Variants in ZMYM2 observed in about 807,000 individuals in gnomAD.
ZMYM2 encodes zinc finger MYM-type containing 2.
A neutral mutation model predicts 162.8 loss-of-function variants in ZMYM2; 56 were observed. That is an observed-to-expected ratio of 0.34 (90% CI 0.28 to 0.43). The LOEUF (loss-of-function observed/expected upper bound fraction) is 0.43, where lower values mean the gene tolerates loss of function less well. Among genes scored for constraint, ZMYM2 ranks in the 20% least tolerant of loss-of-function variants. The probability of loss-of-function intolerance (pLI) is 1.00; values close to 1 mark genes in which losing one functional copy is unlikely to be tolerated. For missense variants in ZMYM2, 1,275 were observed against 1,621.8 expected, an observed-to-expected ratio of 0.79 and a Z score of 3.67; for synonymous variants, 510 against 541.6, an observed-to-expected ratio of 0.94 and a Z score of 0.81.
chr13:20,007,789 T>A (rs1950866071), intron 6 of ZMYM2, among the ~76,000 whole-genome samples: 1 of 151,616 alleles, frequency 6.6e-6, no homozygotes, highest in African/African-American at 2.4e-5. Context: ...CTGAGCTAAT[T>A]TTTGTGTTTT....
chr13:20,038,385 C>T (rs1953930081), intron 12 of ZMYM2, among the ~76,000 whole-genome samples: 1 of 152,120 alleles, frequency 6.6e-6, no homozygotes, highest in Non-Finnish European at 1.5e-5. Context: ...CCTAGGTTGG[C>T]TTCAGGGGTT....
At position 20,064,549 on chromosome 13, in the gene ZMYM2, C is replaced by T. The variant is rs770806677; in HGVS notation, c.3132+4C>T. 3.2e-6 allele frequency: 5 copies of T among 1,567,328 alleles called. No homozygotes were observed. The highest frequency in any genetic ancestry group is 1.9e-4 in the Middle Eastern group (1 of 5,192). ...CAGACCTCGATCTAAAAAAAAGGTA[C>T]ATTCACTTAATAGCCTATATAACAA... On this transcript the variant is annotated splice_donor_region_variant and intron_variant, in intron 19 of 24. Transcript: ENST00000610343.
chr13:19,995,834 A>G (rs1171396818), intron 3 of ZMYM2, among the ~76,000 whole-genome samples: 3 of 152,168 alleles, frequency 2.0e-5, no homozygotes, highest in Non-Finnish European at 4.4e-5. Context: ...TACTGAAAAT[A>G]TGAAAAGTTA....
chr13:20,005,899 A>G (rs1950703856), intron 5 of ZMYM2, among the ~76,000 whole-genome samples: 2 of 152,094 alleles, frequency 1.3e-5, no homozygotes, highest in Non-Finnish European at 2.9e-5. Flanking sequence ...TCAGTGCCAT[A>G]CATGTGTTCC....
At chr13:19,880,774 T>G in the ZMYM2 span, among the ~76,000 whole-genome samples, 1 of 152,224 alleles carries the variant, frequency 6.6e-6, no homozygotes. Flanking sequence ...TCACTGTTAG[T>G]GTGTAGAAAT....
intron 18 of ZMYM2, among the ~76,000 whole-genome samples, chr13:20,064,172 G>A (rs544466027): frequency 6.6e-6 from 1 of 151,872 alleles, no homozygotes; most frequent in South Asian, 2.1e-4. Flanking sequence ...TTTAGATCTT[G>A]TAATTGGATT....
At chr13:19,940,379 T>C in the ZMYM2 span, among the ~76,000 whole-genome samples, 2 of 152,200 alleles carry the variant, frequency 1.3e-5, no homozygotes, top group Non-Finnish European at 2.9e-5. Flanking sequence ...TCCCATAGTT[T>C]ACAGTTAATT....
the ZMYM2 span, among the ~76,000 whole-genome samples, chr13:19,907,739 G>T: frequency 2.9e-5 from 3 of 105,018 alleles, no homozygotes; most frequent in African/African-American, 1.1e-4. Flanking sequence ...TCCAGCCTGG[G>T]CAATGGAATG....
chr13:20,048,173 G>A (rs1305720301), intron 12 of ZMYM2, among the ~76,000 whole-genome samples: 1 of 151,736 alleles, frequency 6.6e-6, no homozygotes, highest in Non-Finnish European at 1.5e-5. Flanking sequence ...AATGAATGGT[G>A]GCAATATTAA....
intron 14 of ZMYM2, 42 bp downstream of exon 14, chr13:20,052,353 A>C: frequency 6.5e-7 from 1 of 1,529,030 alleles, no homozygotes. Flanking sequence ...TGATTTTTGT[A>C]ATATGGGGTA....
upstream of ZMYM2, chr13:19,958,589 GA>G (rs1954733476): frequency 1.3e-5 from 2 of 152,052 alleles, no homozygotes. Context: ...CCACCCTACC[GA>G]GGGGGGGCCC....
At chr13:20,064,319 A>G (rs944803970) in intron 18 of ZMYM2, 132 bp from the exon 19 acceptor site, 141 of 552,664 alleles carry the variant, frequency 2.6e-4, no homozygotes, top group Non-Finnish European at 1.6e-4. Context: ...TGAGTCATTT[A>G]CTCCCCAGCC....
the ZMYM2 span, among the ~76,000 whole-genome samples, chr13:19,913,449 G>A: frequency 6.6e-6 from 1 of 152,054 alleles, no homozygotes; most frequent in Non-Finnish European, 1.5e-5. Context: ...CATTGGCCAG[G>A]CACAGTGGCT....
chr13:20,014,780 T>TC (rs1440020763), intron 6 of ZMYM2, among the ~76,000 whole-genome samples: 1 of 149,886 alleles, frequency 6.7e-6, no homozygotes, highest in Non-Finnish European at 1.5e-5. Flanking sequence ...TTTTTTTTTT[T>TC]TTGGGGACAA....
intron 21 of ZMYM2, among the ~76,000 whole-genome samples, chr13:20,072,925 T>C (rs982333553): frequency 6.6e-6 from 1 of 152,060 alleles, no homozygotes; most frequent in African/African-American, 2.4e-5. Context: ...TTTTTTTTTT[T>C]TGAGACAAAG....
chr13:19,883,733 T>C, the ZMYM2 span, among the ~76,000 whole-genome samples: 1 of 152,182 alleles, frequency 6.6e-6, no homozygotes, highest in South Asian at 2.1e-4. Context: ...CTTCAAGATG[T>C]TTGTAATATT....
intron 11 of ZMYM2, among the ~76,000 whole-genome samples, chr13:20,036,411 T>G (rs914936368): frequency 2.0e-5 from 3 of 152,178 alleles, no homozygotes; most frequent in Non-Finnish European, 4.4e-5. Flanking sequence ...CTATTTGTGG[T>G]ATGCTTAGTT....
At chr13:20,071,411 T>C (rs1340075637) in intron 21 of ZMYM2, among the ~76,000 whole-genome samples, 1 of 152,174 alleles carries the variant, frequency 6.6e-6, no homozygotes, top group Non-Finnish European at 1.5e-5. Flanking sequence ...AAGCACTGAA[T>C]AGGGTGGGAA....
intron 7 of ZMYM2, among the ~76,000 whole-genome samples, chr13:20,022,979 G>A (rs1338448738): frequency 6.6e-6 from 1 of 151,848 alleles, no homozygotes; most frequent in Non-Finnish European, 1.5e-5. Context: ...TTTGAAATGT[G>A]CTGCTTTATT....
Sources: gnomAD v4.1 joint callset for allele counts (sites outside exome capture counted in the v4.1 genomes callset) on GRCh38, gnomAD v4.1.1 for gene constraint, MANE v1.5 for transcripts, NCBI Gene and HGNC (gene_info 2026-07-23, HGNC 2026-07-21) for gene names.